The following NAPEPLD variants were observed in gnomAD, a reference collection of about 807,000 sequenced individuals.
NAPEPLD encodes the protein N-acyl-phosphatidylethanolamine-hydrolyzing phospholipase D.
A neutral mutation model predicts 38.1 loss-of-function variants in NAPEPLD; 23 were observed. That is an observed-to-expected ratio of 0.60 (90% CI 0.43 to 0.86). The LOEUF is 0.86. Ranked by LOEUF, NAPEPLD falls within the 40% of genes least tolerant of loss-of-function variation. The pLI, the probability that NAPEPLD is intolerant of heterozygous loss-of-function variation, is 0.00. For synonymous variants in NAPEPLD, 147 were observed against 162.0 expected (o/e 0.91, Z 0.71); for missense variants, 411 against 476.8 (o/e 0.86, Z 1.28).
At chr7:103,149,199 G>A (rs978852790), upstream of NAPEPLD, 39 of 994,038 alleles carry the variant, frequency 3.9e-5, no homozygotes, top group Non-Finnish European at 4.3e-5. Flanking sequence ...CAGAAACCAC[G>A]GAGCTCCGGA....
chr7:103,116,695 G>A (rs1805644881), intron 3 of NAPEPLD, among the ~76,000 whole-genome samples: 1 of 152,224 alleles, frequency 6.6e-6, no homozygotes, highest in Non-Finnish European at 1.5e-5. Context: ...ATGGGTAAAT[G>A]ATTAAGGAAA....
intron 4 of NAPEPLD, among the ~76,000 whole-genome samples, chr7:103,105,622 A>C (rs1303632192): frequency 1.3e-5 from 2 of 152,228 alleles, no homozygotes; most frequent in African/African-American, 4.8e-5. Flanking sequence ...CTATAACAGC[A>C]TATATGCAAA....
chr7:103,101,937 A>G lies in NAPEPLD; in HGVS notation c.*1492T>C, dbSNP rs1195822228. ...TCTAATCCACCTCCCTCCCTTAGGA[A>G]GGGTCAGAATAATCAAGTGAATACA... On this transcript the variant is annotated 3_prime_UTR_variant, in exon 5 of 5. Transcript: ENST00000465647. 4 of 151,770 alleles carry G rather than the reference A, an allele frequency of 2.6e-5. No homozygotes were observed. The highest frequency in any genetic ancestry group is 5.9e-5 in the Non-Finnish European group (4 of 67,870). 9.4% of individuals were successfully genotyped at this position (151,770 alleles called of 1,614,324 possible). A position where few individuals can be genotyped will look rare whatever the true frequency, so the allele number is the denominator to read the frequency against.
intron 4 of NAPEPLD, among the ~76,000 whole-genome samples, chr7:103,109,946 C>T (rs1318831955): frequency 3.3e-5 from 5 of 152,118 alleles, no homozygotes; most frequent in African/African-American, 1.2e-4. Flanking sequence ...AACACCTCTA[C>T]GCAAATAAAG....
intron 1 of NAPEPLD, among the ~76,000 whole-genome samples, chr7:103,143,696 C>T (rs1197833373): frequency 6.6e-6 from 1 of 152,226 alleles, no homozygotes; most frequent in Admixed American, 6.5e-5. Flanking sequence ...CAAGCCTGAA[C>T]TGTCCAACTT....
Position 103,149,065 on chromosome 7 carries a change from C to G in NAPEPLD, c.-271G>C, listed in dbSNP as rs1813197241. 3 of 985,304 alleles carry G rather than the reference C, an allele frequency of 3.0e-6. No individual in the cohort carries two copies. The highest frequency in any genetic ancestry group is 9.4e-5 in the South Asian group (2 of 21,272). 61.0% of individuals were successfully genotyped at this position (985,304 alleles called of 1,614,324 possible). A position where few individuals can be genotyped will look rare whatever the true frequency, so the allele number is the denominator to read the frequency against. ...CCACTCTCAGCCCGCTCCACTTCGC[C>G]GAAGAATTCCAAACCACCCCAGGCT... On this transcript the variant is annotated 5_prime_UTR_variant, in exon 1 of 5. Coordinates refer to ENST00000465647, the MANE Select transcript of NAPEPLD (RefSeq NM_001122838.3).
chr7:103,119,282 G>A (rs1806148638), intron 3 of NAPEPLD, among the ~76,000 whole-genome samples: 1 of 152,082 alleles, frequency 6.6e-6, no homozygotes, highest in South Asian at 2.1e-4. Context: ...ATAAGTATGT[G>A]AGATAATGCA....
chr7:103,108,233 C>T (rs4294127), intron 4 of NAPEPLD, among the ~76,000 whole-genome samples: 132,571 of 151,168 alleles, frequency 0.88, 60,806 homozygotes, highest in East Asian at 1. Context: ...ACCTCCACCT[C>T]CCGGGTTCAA....
intron 1 of NAPEPLD, among the ~76,000 whole-genome samples, chr7:103,131,806 AAC>A (rs1808992585): frequency 1.3e-5 from 2 of 152,298 alleles, no homozygotes; most frequent in Admixed American, 6.5e-5. Flanking sequence ...GGAAACACTG[AAC>A]ACACTTAAAA....
At chr7:103,122,615 T>C (rs1806945667) in intron 2 of NAPEPLD, among the ~76,000 whole-genome samples, 1 of 152,178 alleles carries the variant, frequency 6.6e-6, no homozygotes, top group South Asian at 2.1e-4. Flanking sequence ...GTGTAATAAT[T>C]GTACCTATGC....
chr7:103,149,682 A>C (rs1813326131), upstream of NAPEPLD: 4 of 275,072 alleles, frequency 1.5e-5, no homozygotes, highest in South Asian at 1.1e-4. Flanking sequence ...CGACTCAAAC[A>C]CTCTGCAGGG....
intron 2 of NAPEPLD, among the ~76,000 whole-genome samples, chr7:103,121,827 G>A (rs952752715): frequency 3.3e-5 from 5 of 152,118 alleles, no homozygotes; most frequent in African/African-American, 1.2e-4. Context: ...TTAAAATACA[G>A]GTCATGTTAT....
At chr7:103,129,442 T>C (rs1041583892) in intron 1 of NAPEPLD, 21 of 368,612 alleles carry the variant, frequency 5.7e-5, no homozygotes, top group Non-Finnish European at 7.9e-5. Context: ...AGTATTTTCA[T>C]ACATGTATTT....
chr7:103,115,221 C>T (rs1805324508), intron 3 of NAPEPLD, 47 bp from the exon 4 acceptor site: 2 of 1,347,926 alleles, frequency 1.5e-6, no homozygotes, highest in South Asian at 1.2e-5. Context: ...GAGATATACA[C>T]TAAATTCTAA....
chr7:103,127,286 A>G (rs1808026190), intron 2 of NAPEPLD: 2 of 152,246 alleles, frequency 1.3e-5, no homozygotes, highest in African/African-American at 4.8e-5. Flanking sequence ...CAGCCACACT[A>G]GAAATAAAGT....
intron 3 of NAPEPLD, among the ~76,000 whole-genome samples, chr7:103,116,746 C>T (rs1805653622): frequency 6.6e-6 from 1 of 152,138 alleles, no homozygotes; most frequent in African/African-American, 2.4e-5. Context: ...AGCGAGGGCT[C>T]AGGAGGCAGA....
chr7:103,143,404 T>G (rs1811889352), intron 1 of NAPEPLD, among the ~76,000 whole-genome samples: 1 of 152,196 alleles, frequency 6.6e-6, no homozygotes, highest in South Asian at 2.1e-4. Flanking sequence ...CTTCTCTTCC[T>G]TTTCTTCTCA....
chr7:103,149,158 G>A, upstream of NAPEPLD: 2 of 991,448 alleles, frequency 2.0e-6, no homozygotes, highest in Non-Finnish European at 2.4e-6. Flanking sequence ...AGCACAGCAG[G>A]CGGGAGAAAA....
rs924161495 is a variant in NAPEPLD, at chr7:103,101,452, T to G, written c.*1977A>C. 6.6e-6 allele frequency: 1 copy of G among 152,376 alleles called. No homozygotes were observed. The highest frequency in any genetic ancestry group is 1.5e-5 in the Non-Finnish European group (1 of 68,026). 9.4% of individuals were successfully genotyped at this position (152,376 alleles called of 1,614,324 possible). ...CTCCAATTTAAAAATCAGTGAAAGT[T>G]TTCAATGTTTAGTCTCCTAATATAT... On this transcript the variant is annotated 3_prime_UTR_variant, in exon 5 of 5. Coordinates refer to ENST00000465647, the MANE Select transcript of NAPEPLD (RefSeq NM_001122838.3).
Sources: allele counts gnomAD v4.1 joint callset (sites outside exome capture counted in the v4.1 genomes callset), GRCh38; gene constraint gnomAD v4.1.1; transcripts MANE v1.5; gene names NCBI Gene and HGNC (gene_info 2026-07-23, HGNC 2026-07-21).